The following MRC1 variants were observed in gnomAD, a reference collection of about 807,000 sequenced individuals.
The protein encoded by MRC1 is macrophage mannose receptor 1.
MRC1 carries 62 observed loss-of-function variants against 102.9 expected under a neutral mutation model. The ratio of observed to expected loss-of-function variants is 0.60; its 90% confidence interval spans 0.49 to 0.74. The LOEUF (loss-of-function observed/expected upper bound fraction) is 0.74, where lower values mean the gene tolerates loss of function less well. Ranked by LOEUF, MRC1 falls within the 30% of genes least tolerant of loss-of-function variation. MRC1 has a pLI of 0.00. For synonymous variants in MRC1, 457 were observed against 298.4 expected, an observed-to-expected ratio of 1.53 and a Z score of -5.48; for missense variants, 1,237 against 862.8, an observed-to-expected ratio of 1.43 and a Z score of -5.43.
In MRC1 at chr10:17,833,701, A is replaced by G. The variant is rs782558582; in HGVS notation, c.664A>G (p.Lys222Glu). The G allele has an allele frequency of 9.0e-6, 7 of 781,084 alleles. No individual in the cohort carries two copies. The Admixed American group carries it at 1.2e-4, about 13-fold the overall frequency. The allele number at this position is 781,084 out of a possible 1,614,324, so 48.4% of individuals were successfully genotyped here. A position where few individuals can be genotyped will look rare whatever the true frequency, so the allele number is the denominator to read the frequency against. Reference protein sequence around the residue: ...KFEGSESLWNKDPLTSVSYQI... With the variant: ...KFEGSESLWNEDPLTSVSYQI... ...TGAGGGCAGTGAAAGCTTATGGAAT[A>G]AAGACCCGCTGACCAGCGTTTCCTA... Residue 222 changes from lysine to glutamate, a missense_variant, in exon 4 of 30, where the codon AAA becomes GAA. Physicochemically the swap from Lys to Glu is moderately conservative, Grantham distance 56. Coordinates refer to ENST00000569591, the MANE Select transcript of MRC1 (RefSeq NM_002438.4).
At chr10:17,847,486 C>CT (rs1168307858) in intron 6 of MRC1, among the ~76,000 whole-genome samples, 3 of 152,208 alleles carry the variant, frequency 2.0e-5, no homozygotes, top group Non-Finnish European at 4.4e-5. Context: ...TCTGTTTTAT[C>CT]TATAAACTCA....
rs1833904379 is a variant in MRC1, at chr10:17,907,016, G to A, written c.3913+17G>A. On this transcript the variant is annotated intron_variant, in intron 27 of 29. Transcript: ENST00000569591. ...ATGTTGAAGGTAATTTTTGCAGCATGCTTATTTAATCACAAATATTGTAAA... is the reference window on the plus strand; with the variant it reads ...ATGTTGAAGGTAATTTTTGCAGCATACTTATTTAATCACAAATATTGTAAA... The A allele has an allele frequency of 7.7e-6, 6 of 780,330 alleles. No homozygotes were observed. In the Admixed American group the frequency reaches 1.0e-4, roughly 13 times the overall value. The allele number at this position is 780,330 out of a possible 1,614,324, so 48.3% of individuals were successfully genotyped here. A position where few individuals can be genotyped will look rare whatever the true frequency, so the allele number is the denominator to read the frequency against.
intron 26 of MRC1, among the ~76,000 whole-genome samples, chr10:17,904,457 G>A (rs1056892008): frequency 2.2e-4 from 34 of 152,116 alleles, no homozygotes; most frequent in African/African-American, 7.0e-4. Flanking sequence ...CTTGCTGGAC[G>A]CCATGGTTTC....
At chr10:17,858,219 T>C (rs1251873736) in intron 9 of MRC1, among the ~76,000 whole-genome samples, 1 of 152,162 alleles carries the variant, frequency 6.6e-6, no homozygotes, top group Admixed American at 6.6e-5. Flanking sequence ...TTGATGGTTG[T>C]TTTCTGACAG....
At chr10:17,832,508 TTG>T (rs1838590731) in intron 3 of MRC1, among the ~76,000 whole-genome samples, 2 of 148,658 alleles carry the variant, frequency 1.3e-5, no homozygotes, top group Non-Finnish European at 3.0e-5. Context: ...TGAGCCGAGA[TTG>T]CACCACTGCA....
At chr10:17,905,600 C>A (rs1455891566) in intron 26 of MRC1, among the ~76,000 whole-genome samples, 9 of 151,198 alleles carry the variant, frequency 6.0e-5, no homozygotes, top group African/African-American at 2.2e-4. Flanking sequence ...AAAATGAATG[C>A]TTCTCATTCT....
chr10:17,819,449 TTGTATGTGTG>T (rs1254892718), intron 1 of MRC1, among the ~76,000 whole-genome samples: 27 of 99,056 alleles, frequency 2.7e-4, no homozygotes, highest in African/African-American at 1.1e-3. Flanking sequence ...GAATTCAGAG[TTGTATGTGTG>T]TGTGTGTGTG....
intron 3 of MRC1, 139 bp downstream of exon 3, chr10:17,827,854 C>T (rs1838504737): frequency 1.5e-6 from 1 of 673,768 alleles, no homozygotes; most frequent in Non-Finnish European, 2.7e-6. Flanking sequence ...CAGCCCTTTA[C>T]AGACGTTATT....
In MRC1 at chr10:17,856,366, G is replaced by A; in HGVS notation, c.1518+14G>A. ...GGCTGCAGGAAAGTGAGTGCACCAT[G>A]CCCACAGTGACTTAAGCTGAGCACG... On this transcript the variant is annotated intron_variant, in intron 9 of 29. Transcript: ENST00000569591. The A allele has an allele frequency of 1.2e-6, 1 of 837,088 alleles. No individual in the cohort carries two copies. Among genetic ancestry groups the A allele is most frequent in the Non-Finnish European group, 2.1e-6 (1 of 483,202 alleles). 51.9% of individuals were successfully genotyped at this position (837,088 alleles called of 1,614,324 possible).
chr10:17,901,709 T>C (rs1461227465), intron 25 of MRC1, among the ~76,000 whole-genome samples: 1 of 151,978 alleles, frequency 6.6e-6, no homozygotes, highest in African/African-American at 2.4e-5. Flanking sequence ...AAAATTATCT[T>C]TGTAGGTATC....
chr10:17,840,425 T>G (rs980363567), intron 4 of MRC1, among the ~76,000 whole-genome samples: 27 of 152,348 alleles, frequency 1.8e-4, no homozygotes, highest in African/African-American at 6.0e-4. Flanking sequence ...ATGATGGGGT[T>G]TGAAGCCTCA....
rs1237328195 is a variant in MRC1 at position 17,841,590 on chromosome 10, T to C, written c.916+784T>C. On this transcript the variant is annotated intron_variant, in intron 5 of 29. Transcript: ENST00000569591. ...AACATGAAAGTAACAGAATATAAAA[T>C]AAGTTTACATATTGAGCAACTATTT... 4.6e-5 allele frequency among the ~76,000 whole-genome samples: 7 copies of C among 152,246 alleles called. No individual in the cohort carries two copies. In the South Asian group the frequency reaches 1.2e-3, roughly 27 times the overall value.
chr10:17,809,672 C>T, intron 1 of MRC1, 146 bp downstream of exon 1: 5 of 743,456 alleles, frequency 6.7e-6, no homozygotes, highest in South Asian at 5.8e-5. Flanking sequence ...ACGGCTAAGC[C>T]TGCTGCCTTC....
intron 9 of MRC1, among the ~76,000 whole-genome samples, chr10:17,856,583 T>C (rs2130653367): frequency 6.6e-6 from 1 of 152,168 alleles, no homozygotes; most frequent in Admixed American, 6.5e-5. Flanking sequence ...CCTTTCAGAA[T>C]GTCATGGGAA....
At chr10:17,885,858 T>G (rs1342710848) in intron 22 of MRC1, among the ~76,000 whole-genome samples, 1 of 147,764 alleles carries the variant, frequency 6.8e-6, no homozygotes, top group African/African-American at 2.4e-5. Context: ...ATCATGATCA[T>G]GAGCTAATAT....
intron 12 of MRC1, among the ~76,000 whole-genome samples, 190 bp downstream of exon 12, chr10:17,866,951 C>T (rs1186212447): frequency 6.6e-6 from 1 of 152,060 alleles, no homozygotes; most frequent in Non-Finnish European, 1.5e-5. Flanking sequence ...TGTATTTAGA[C>T]CCACAAATAC....
rs1053925293 is a variant in MRC1 at position 17,881,311 on chromosome 10, A to G, written c.2980+130A>G. ...AAAAGCTAAAAAAGTGGAAAAAATC[A>G]AATGCTTATTGAAAACTATTTTATT... On this transcript the variant is annotated intron_variant, in intron 21 of 29. Transcript: ENST00000569591. 94 of 686,526 alleles carry G rather than the reference A, an allele frequency of 1.4e-4. No individual in the cohort carries two copies. The African/African-American group carries it at 1.5e-3, about 11-fold the overall frequency. 42.5% of individuals were successfully genotyped at this position (686,526 alleles called of 1,614,324 possible).
Position 17,877,941 on chromosome 10 carries a change from A to G in MRC1, c.2592A>G (p.Leu864=). 2 of 872,260 alleles carry G rather than the reference A, an allele frequency of 2.3e-6. No individual in the cohort carries two copies. The highest frequency in any genetic ancestry group is 4.0e-6 in the Non-Finnish European group (2 of 501,242). 54.0% of individuals were successfully genotyped at this position (872,260 alleles called of 1,614,324 possible). A position where few individuals can be genotyped will look rare whatever the true frequency, so the allele number is the denominator to read the frequency against. Residue 864 remains leucine, a synonymous_variant, in exon 18 of 30, where the codon TTA becomes TTG. Coordinates refer to ENST00000569591, the MANE Select transcript of MRC1 (RefSeq NM_002438.4). ...NDAQSAYFIG[L]LISLDKKFAW... ...CACAGTCTGCATATTTTATTGGTTT[A>G]TTGATCAGCTTGGATAAAAAGTTTG...
At chr10:17,880,420 C>CA (rs1346772480) in intron 19 of MRC1, 105 bp from the exon 20 acceptor site, 2 of 742,830 alleles carry the variant, frequency 2.7e-6, no homozygotes, top group East Asian at 5.4e-5. Flanking sequence ...TGATTATAGT[C>CA]TAAATAAGTT....
Sources: gnomAD v4.1 joint callset for allele counts (sites outside exome capture counted in the v4.1 genomes callset) on GRCh38, gnomAD v4.1.1 for gene constraint, MANE v1.5 for transcripts, NCBI Gene and HGNC (gene_info 2026-07-23, HGNC 2026-07-21) for gene names.